GPR143: variants seen among roughly 807,000 people sequenced by gnomAD.
GPR143 encodes the protein G-protein coupled receptor 143.
Under a neutral mutation model 27.6 loss-of-function variants are expected in GPR143, and 8 were observed. The observed-to-expected ratio is 0.29, with a 90% CI of 0.17 to 0.52. GPR143 has a LOEUF of 0.52. Among genes scored for constraint, GPR143 ranks in the 20% least tolerant of loss-of-function variants. The pLI is 0.96. For missense variants in GPR143, 303 were observed against 343.1 expected, an observed-to-expected ratio of 0.88 and a Z score of 0.92; for synonymous variants, 156 against 153.2, an observed-to-expected ratio of 1.02 and a Z score of -0.13.
chrX:9,774,740 CTT>C (rs1220814817), intron 1 of GPR143, among the ~76,000 whole-genome samples: 3 of 112,889 alleles, frequency 2.7e-5, no homozygotes, highest in Admixed American at 9.4e-5. Flanking sequence ...GATTACAAAA[CTT>C]TGAGAAAGTA....
intron 1 of GPR143, among the ~76,000 whole-genome samples, chrX:9,771,766 G>A (rs745941526): frequency 2.2e-5 from 2 of 92,286 alleles, no homozygotes; most frequent in South Asian, 1.1e-3. Flanking sequence ...TGTGGCAATA[G>A]AGTGGTGTGA....
At chrX:9,770,815 C>T, upstream of GPR143, among the ~76,000 whole-genome samples, 1 of 112,072 alleles carries the variant, frequency 8.9e-6, no homozygotes, top group Non-Finnish European at 1.9e-5. Context: ...AGCTGCTCTT[C>T]CTGAGAAAGG....
chrX:9,753,108 G>A (rs1429582633), intron 3 of GPR143, among the ~76,000 whole-genome samples: 2 of 111,760 alleles, frequency 1.8e-5, no homozygotes, highest in Non-Finnish European at 3.8e-5. Flanking sequence ...GGGCGCAGTG[G>A]CTCATGCCTA....
At chrX:9,738,038 C>T in intron 8 of GPR143, among the ~76,000 whole-genome samples, 1 of 111,708 alleles carries the variant, frequency 9.0e-6, no homozygotes, top group South Asian at 3.8e-4. Context: ...AGAGCAGCCT[C>T]CAGGGATGGC....
chrX:9,770,123 G>A (rs1366410675), upstream of GPR143, among the ~76,000 whole-genome samples: 2 of 87,168 alleles, frequency 2.3e-5, no homozygotes, highest in African/African-American at 9.0e-5. Context: ...CCAGCCTGGG[G>A]CAACATAGGG....
At chrX:9,778,205 G>T (rs1253410986) in intron 1 of GPR143, among the ~76,000 whole-genome samples, 2 of 112,267 alleles carry the variant, frequency 1.8e-5, no homozygotes, top group Admixed American at 9.4e-5. Context: ...GGGAGGGATG[G>T]AAGAACCAAC....
chrX:9,730,733 AAC>A (rs755243334), intron 8 of GPR143, among the ~76,000 whole-genome samples: 52 of 112,255 alleles, frequency 4.6e-4, no homozygotes, highest in African/African-American at 1.6e-3. Context: ...AGTCCAGGCT[AAC>A]ATGATGGCTT....
intron 8 of GPR143, among the ~76,000 whole-genome samples, chrX:9,732,533 G>T (rs189426073): frequency 9.6e-4 from 107 of 111,188 alleles, no homozygotes; most frequent in Admixed American, 3.9e-3. Context: ...GGTATAGAGA[G>T]AATACAATTA....
chrX:9,764,392 C>A (rs902104208), intron 1 of GPR143, among the ~76,000 whole-genome samples: 1 of 110,784 alleles, frequency 9.0e-6, no homozygotes, highest in Non-Finnish European at 1.9e-5. Context: ...CTGCAGTTTG[C>A]GCACCTGTGG....
chrX:9,738,021 C>G (rs968330653), intron 8 of GPR143, among the ~76,000 whole-genome samples: 4 of 111,720 alleles, frequency 3.6e-5, no homozygotes, highest in Non-Finnish European at 7.5e-5. Context: ...ACAGGGAGCC[C>G]TCACAGAGAG....
At chrX:9,764,504 GCACA>G (rs201690882) in intron 1 of GPR143, among the ~76,000 whole-genome samples, 2,347 of 99,034 alleles carry the variant, frequency 0.024, 33 homozygotes, top group East Asian at 0.055. Context: ...TTACACACGC[GCACA>G]CACACACACA....
rs183820659 is a variant in GPR143 at position 9,772,250 on chromosome X, G to A, written c.-2-11424C>T. On this transcript the variant is annotated intron_variant, in intron 1 of 7. Coordinates refer to the GPR143 transcript ENST00000447366. ...TTTTCTCCTATTGAAACTTAAGGGAGCATTTCCATCCTGGTCTGTTAAAAT... is the reference window on the plus strand; with the variant it reads ...TTTTCTCCTATTGAAACTTAAGGGAACATTTCCATCCTGGTCTGTTAAAAT... Among the ~76,000 whole-genome samples, 8 of 111,735 alleles carry A rather than the reference G, an allele frequency of 7.2e-5. No individual in the cohort carries two copies. The East Asian group carries it at 2.3e-3, about 32-fold the overall frequency.
At chrX:9,744,845 C>T (rs1442073676) in intron 5 of GPR143, among the ~76,000 whole-genome samples, 2 of 112,529 alleles carry the variant, frequency 1.8e-5, no homozygotes, top group African/African-American at 6.4e-5. Flanking sequence ...CCACTGTTAA[C>T]ATCTTAGTGT....
At chrX:9,733,385 G>A (rs868506796) in intron 8 of GPR143, among the ~76,000 whole-genome samples, 2 of 109,730 alleles carry the variant, frequency 1.8e-5, no homozygotes, top group Non-Finnish European at 3.9e-5. Context: ...GGCATTTATG[G>A]AAAACCATGA....
intron 8 of GPR143, among the ~76,000 whole-genome samples, chrX:9,729,327 C>G (rs901503483): frequency 9.0e-6 from 1 of 111,511 alleles, no homozygotes; most frequent in African/African-American, 3.3e-5. Context: ...CAAATAGACT[C>G]TGGGCTGGGA....
In GPR143 at chrX:9,726,055, A is replaced by G. The variant is rs761919916; in HGVS notation, c.1121-215T>C. The G allele has an allele frequency of 7.5e-5, 49 of 653,709 alleles. 1 individual carries two copies. The East Asian group carries it at 1.6e-3, about 22-fold the overall frequency. 53.9% of individuals were successfully genotyped at this position (653,709 alleles called of 1,213,427 possible). A position where few individuals can be genotyped will look rare whatever the true frequency, so the allele number is the denominator to read the frequency against. On this transcript the variant is annotated intron_variant, in intron 8 of 8. Transcript: ENST00000467482. Reference sequence around the variant, plus strand: ...CAACTTTCCATCTACATTTTATTAAATCATTACAACGGATGACACAAGCCC... The same window carrying G: ...CAACTTTCCATCTACATTTTATTAAGTCATTACAACGGATGACACAAGCCC...
intron 3 of GPR143, among the ~76,000 whole-genome samples, chrX:9,758,895 T>TA (rs2083484094): frequency 8.9e-6 from 1 of 111,968 alleles, no homozygotes; most frequent in Non-Finnish European, 1.9e-5. Context: ...CTCTAAAAAG[T>TA]AAAAAATAAA....
intron 8 of GPR143, among the ~76,000 whole-genome samples, chrX:9,729,767 C>A (rs750570180): frequency 8.9e-6 from 1 of 111,920 alleles, no homozygotes; most frequent in Non-Finnish European, 1.9e-5. Context: ...CCTCATGGTA[C>A]CCAAGGGCCA....
intron 1 of GPR143, among the ~76,000 whole-genome samples, chrX:9,765,337 A>C (rs2083525583): frequency 9.7e-6 from 1 of 103,276 alleles, no homozygotes; most frequent in Non-Finnish European, 2.0e-5. Flanking sequence ...GCGGGCCTCA[A>C]GCCCTCAGCC....
Sources: gnomAD v4.1 joint callset for allele counts (sites outside exome capture counted in the v4.1 genomes callset) on GRCh38, gnomAD v4.1.1 for gene constraint, MANE v1.5 for transcripts, NCBI Gene and HGNC (gene_info 2026-07-23, HGNC 2026-07-21) for gene names.